The following SLC39A8 variants were observed in gnomAD, a reference collection of about 807,000 sequenced individuals.
The protein encoded by SLC39A8 is metal cation symporter ZIP8.
A neutral mutation model predicts 40.4 loss-of-function variants in SLC39A8; 15 were observed. That is an observed-to-expected ratio of 0.37 (90% CI 0.25 to 0.57). The LOEUF (loss-of-function observed/expected upper bound fraction) is 0.57, where lower values mean the gene tolerates loss of function less well. Ranked by LOEUF, SLC39A8 falls within the 20% of genes least tolerant of loss-of-function variation. SLC39A8 has a pLI of 0.75. For missense variants in SLC39A8, 472 were observed against 558.8 expected (o/e 0.84, Z 1.57); for synonymous variants, 223 against 221.6 (o/e 1.01, Z -0.06).
chr4:102,345,452 C>T lies in SLC39A8; in HGVS notation c.-361G>A, dbSNP rs960634398. The stretch of plus-strand genomic sequence containing the variant: ...TTTCTGTCTCCCGCCCCCACAACCT[C>T]TGTATCTCTGACAGGTCCGCGGTGA... On this transcript the variant is annotated 5_prime_UTR_variant, in exon 1 of 9. Coordinates refer to ENST00000356736, the MANE Select transcript of SLC39A8 (RefSeq NM_001135146.2). 4.6e-5 allele frequency: 7 copies of T among 152,548 alleles called. No individual in the cohort carries two copies. Among genetic ancestry groups the T allele is most frequent in the African/African-American group, 1.4e-4 (6 of 41,476 alleles). The allele number at this position is 152,548 out of a possible 1,614,324, so 9.4% of individuals were successfully genotyped here. A position where few individuals can be genotyped will look rare whatever the true frequency, so the allele number is the denominator to read the frequency against.
intron 2 of SLC39A8, among the ~76,000 whole-genome samples, chr4:102,321,295 G>A (rs1305538415): frequency 6.6e-6 from 1 of 152,208 alleles, no homozygotes; most frequent in East Asian, 1.9e-4. Context: ...GTAGAAAGAG[G>A]ATGCTGCTAC....
At chr4:102,268,209 A>G (rs931352726) in intron 6 of SLC39A8, 130 bp from the exon 7 acceptor site, 2 of 847,204 alleles carry the variant, frequency 2.4e-6, no homozygotes, top group Non-Finnish European at 3.7e-6. Context: ...GTAACTAGGA[A>G]ACCCTAATAA....
intron 3 of SLC39A8, among the ~76,000 whole-genome samples, chr4:102,315,356 T>C (rs1345461754): frequency 4.6e-5 from 7 of 152,148 alleles, no homozygotes; most frequent in Admixed American, 4.6e-4. Flanking sequence ...TGATCAATTA[T>C]AAGCCAAAGA....
At chr4:102,321,430 G>A (rs1383836246) in intron 2 of SLC39A8, among the ~76,000 whole-genome samples, 2 of 152,216 alleles carry the variant, frequency 1.3e-5, no homozygotes, top group African/African-American at 2.4e-5. Flanking sequence ...GCAGGAGCCT[G>A]CCCTCTTCAG....
chr4:102,286,865 T>C (rs1162965153), intron 6 of SLC39A8, among the ~76,000 whole-genome samples: 5 of 152,190 alleles, frequency 3.3e-5, no homozygotes, highest in Admixed American at 2.6e-4. Context: ...TGTAAGCTAA[T>C]TGTTAGAAAT....
In SLC39A8 at chr4:102,262,078, A is replaced by G. The variant is rs1469760001; in HGVS notation, c.*966T>C. On this transcript the variant is annotated 3_prime_UTR_variant, in exon 9 of 9. Transcript: ENST00000356736. ...TGGCTCTCGATCACACATAAGGAAC[A>G]TATGTTTTCCAGTTAATCTGTCCTT... is the stretch of plus-strand genomic sequence containing the variant. 1 of 985,860 alleles carries G rather than the reference A, an allele frequency of 1.0e-6. No individual in the cohort carries two copies. The highest frequency in any genetic ancestry group is 1.1e-4 in the East Asian group (1 of 8,966). 61.1% of individuals were successfully genotyped at this position (985,860 alleles called of 1,614,324 possible).
intron 2 of SLC39A8, among the ~76,000 whole-genome samples, chr4:102,343,277 AC>A (rs756098081): frequency 2.0e-5 from 3 of 152,340 alleles, no homozygotes; most frequent in Middle Eastern, 6.8e-3. Flanking sequence ...GATATTTCTA[AC>A]AAAAAGATCA....
At chr4:102,267,383 G>T (rs1280451356) in intron 8 of SLC39A8, 107 bp downstream of exon 8, 24 of 941,358 alleles carry the variant, frequency 2.5e-5, no homozygotes, top group African/African-American at 1.7e-5. Flanking sequence ...CAACAGAAAG[G>T]CCTTCCACAC....
chr4:102,306,588 T>G (rs1478503907), intron 4 of SLC39A8, among the ~76,000 whole-genome samples: 1 of 151,998 alleles, frequency 6.6e-6, no homozygotes, highest in African/African-American at 2.4e-5. Flanking sequence ...AGGGTGGTAC[T>G]CCCTGAAATA....
At position 102,262,683 on chromosome 4, in the gene SLC39A8, G is replaced by GT; in HGVS notation, c.*360dup. The GT allele has an allele frequency of 1.0e-6, 1 of 998,782 alleles. No homozygotes were observed. The highest frequency in any genetic ancestry group is 1.2e-6 in the Non-Finnish European group (1 of 838,856). The allele number at this position is 998,782 out of a possible 1,614,324, so 61.9% of individuals were successfully genotyped here. On this transcript the variant is annotated 3_prime_UTR_variant, in exon 9 of 9. Transcript: ENST00000356736. ...TTTGAATCTTTGATCCTACCATAGAGTTTTAAAGGCTTTCAGGATATAACT... is the reference window on the plus strand; with the variant it reads ...TTTGAATCTTTGATCCTACCATAGAGTTTTTAAAGGCTTTCAGGATATAACT...
At chr4:102,259,706 G>C (rs1456414784), downstream of SLC39A8, among the ~76,000 whole-genome samples, 2 of 152,164 alleles carry the variant, frequency 1.3e-5, no homozygotes, top group Non-Finnish European at 1.5e-5. Flanking sequence ...TACTTAGTAG[G>C]GCCCTACCTA....
chr4:102,300,162 A>T (rs1031895239), intron 6 of SLC39A8, among the ~76,000 whole-genome samples: 5 of 151,992 alleles, frequency 3.3e-5, no homozygotes, highest in Admixed American at 1.3e-4. Flanking sequence ...TGCCACATAG[A>T]CTGTTGTGCC....
At position 102,304,438 on chromosome 4, in the gene SLC39A8, T is replaced by G. The variant is rs969081261; in HGVS notation, c.719A>C (p.Glu240Ala). Residue 240 changes from glutamate to alanine, a missense_variant, in exon 6 of 9, where the codon GAA (glutamate) becomes GCA (alanine). Transcript: ENST00000356736. The part of the protein sequence containing the change: ...HFGNDNFGPQ[E>A]KTHQPKALPA... ...TAATGCTTTAGGTTGATGAGTTTTT[T>G]CTTGAGGACCAAAGTTATCATTTCC... 2 of 1,611,466 alleles carry G rather than the reference T, an allele frequency of 1.2e-6. No homozygotes were observed. The highest frequency in any genetic ancestry group is 2.7e-5 in the African/African-American group (2 of 74,768).
intron 6 of SLC39A8, among the ~76,000 whole-genome samples, chr4:102,281,760 T>C (rs963493054): frequency 6.6e-6 from 1 of 152,112 alleles, no homozygotes; most frequent in Non-Finnish European, 1.5e-5. Flanking sequence ...CTCTACTCTG[T>C]ACATGGAGCG....
intron 6 of SLC39A8, among the ~76,000 whole-genome samples, chr4:102,303,050 A>G (rs1578593026): frequency 6.6e-6 from 1 of 152,026 alleles, no homozygotes; most frequent in African/African-American, 2.4e-5. Context: ...AAACTCAGGT[A>G]TTTGCCATAA....
intron 2 of SLC39A8, among the ~76,000 whole-genome samples, chr4:102,320,423 A>AGT (rs1734899218): frequency 1.3e-5 from 1 of 74,758 alleles, no homozygotes; most frequent in African/African-American, 5.9e-5. Context: ...TATATATGAG[A>AGT]ATATATATAT....
intron 2 of SLC39A8, among the ~76,000 whole-genome samples, chr4:102,338,756 T>C (rs1735788347): frequency 5.9e-5 from 9 of 152,210 alleles, no homozygotes; most frequent in Admixed American, 5.9e-4. Flanking sequence ...CTTCGTGACG[T>C]TGGTCCAGTT....
At chr4:102,269,250 C>T (rs1470408396) in intron 6 of SLC39A8, among the ~76,000 whole-genome samples, 1 of 152,160 alleles carries the variant, frequency 6.6e-6, no homozygotes, top group Non-Finnish European at 1.5e-5. Flanking sequence ...TCCAATATCA[C>T]TTCACCACTC....
chr4:102,273,899 T>G (rs976250327), intron 6 of SLC39A8, among the ~76,000 whole-genome samples: 5 of 151,840 alleles, frequency 3.3e-5, no homozygotes, highest in African/African-American at 1.2e-4. Flanking sequence ...AGCAATAGCA[T>G]CAACATCAAC....
Sources: allele counts gnomAD v4.1 joint callset (sites outside exome capture counted in the v4.1 genomes callset), GRCh38; gene constraint gnomAD v4.1.1; transcripts MANE v1.5; gene names NCBI Gene and HGNC (gene_info 2026-07-23, HGNC 2026-07-21).